Variants in TNR observed in about 807,000 individuals in gnomAD.
TNR encodes tenascin-R.
Under a neutral mutation model 150.4 loss-of-function variants are expected in TNR, and 45 were observed. That is an observed-to-expected ratio of 0.30 (90% CI 0.24 to 0.38). TNR has a LOEUF of 0.38. Among genes scored for constraint, TNR ranks in the 10% least tolerant of loss-of-function variants. The pLI is 1.00. For missense variants in TNR, 1,544 were observed against 1,759.1 expected, an observed-to-expected ratio of 0.88 and a Z score of 2.19; for synonymous variants, 687 against 678.4, an observed-to-expected ratio of 1.01 and a Z score of -0.20.
intron 2 of TNR, among the ~76,000 whole-genome samples, chr1:175,482,223 T>A (rs1657841291): frequency 6.6e-6 from 1 of 152,206 alleles, no homozygotes. Context: ...GTGATCCAAA[T>A]CAGCTTCCAA....
intron 1 of TNR, among the ~76,000 whole-genome samples, chr1:175,629,869 G>C (rs1664268644): frequency 6.6e-6 from 1 of 152,214 alleles, no homozygotes; most frequent in African/African-American, 2.4e-5. Context: ...TAAATGAATG[G>C]AGATATGGAC....
intron 1 of TNR, among the ~76,000 whole-genome samples, chr1:175,644,627 T>C (rs372471917): frequency 1.3e-5 from 2 of 152,228 alleles, no homozygotes; most frequent in Non-Finnish European, 1.5e-5. Context: ...GCACTGAGGA[T>C]CTGTGTCTTC....
intron 1 of TNR, among the ~76,000 whole-genome samples, chr1:175,718,032 C>T (rs553239955): frequency 6.6e-6 from 1 of 152,306 alleles, no homozygotes; most frequent in South Asian, 2.1e-4. Context: ...CACGTAAGTA[C>T]CAAAGATGCC....
intron 4 of TNR, 47 bp downstream of exon 4, chr1:175,403,093 T>A (rs572853102): frequency 6.5e-7 from 1 of 1,529,332 alleles, no homozygotes; most frequent in South Asian, 1.2e-5. Flanking sequence ...TCCAGCTAGT[T>A]TGCTGGACCA....
At chr1:175,591,273 T>C (rs59686392) in intron 1 of TNR, among the ~76,000 whole-genome samples, 25,432 of 152,114 alleles carry the variant, frequency 0.17, 3,294 homozygotes, top group African/African-American at 0.36. Flanking sequence ...TCTGTGTCCC[T>C]GGGACATAAT....
At position 175,317,342 on chromosome 1, in the gene TNR, A is replaced by G. The variant is rs1648874653; in HGVS notation, c.*6015T>C. 1 of 152,218 alleles carries G rather than the reference A, an allele frequency of 6.6e-6. No individual in the cohort carries two copies. Among genetic ancestry groups the G allele is most frequent in the Non-Finnish European group, 1.5e-5 (1 of 68,046 alleles). 9.4% of individuals were successfully genotyped at this position (152,218 alleles called of 1,614,324 possible). On this transcript the variant is annotated 3_prime_UTR_variant, in exon 23 of 23. Transcript: ENST00000367674. ...CTTGCCCTTGGTTTCCTTGAGAGGA[A>G]ATAAAATGAGAGGATTATATTAGAT... is the stretch of plus-strand genomic sequence containing the variant.
intron 2 of TNR, among the ~76,000 whole-genome samples, chr1:175,505,413 G>GT (rs1290475044): frequency 6.6e-6 from 1 of 152,238 alleles, no homozygotes; most frequent in African/African-American, 2.4e-5. Context: ...CTAAGCATGC[G>GT]TTCTCAGCCC....
At chr1:175,540,639 C>A (rs531016582) in intron 1 of TNR, among the ~76,000 whole-genome samples, 1 of 152,192 alleles carries the variant, frequency 6.6e-6, no homozygotes, top group East Asian at 1.9e-4. Flanking sequence ...TTGACTTTGG[C>A]ACTTTTTTTC....
At chr1:175,507,242 G>A (rs1658993698) in intron 2 of TNR, among the ~76,000 whole-genome samples, 1 of 152,150 alleles carries the variant, frequency 6.6e-6, no homozygotes. Context: ...GAGTTGCTAT[G>A]ATGCACCCTC....
chr1:175,538,662 C>G (rs1202430260), intron 1 of TNR: 3 of 152,184 alleles, frequency 2.0e-5, no homozygotes, highest in African/African-American at 7.2e-5. Flanking sequence ...GGACTTCCAC[C>G]TCTGGCCTCC....
At chr1:175,667,270 C>A (rs1665557270) in intron 1 of TNR, among the ~76,000 whole-genome samples, 1 of 152,176 alleles carries the variant, frequency 6.6e-6, no homozygotes, top group Admixed American at 6.5e-5. Flanking sequence ...TGTGGCAGTT[C>A]ATTGTGGATA....
At chr1:175,334,529 A>G (rs911554947) in intron 20 of TNR, among the ~76,000 whole-genome samples, 1 of 152,240 alleles carries the variant, frequency 6.6e-6, no homozygotes, top group African/African-American at 2.4e-5. Context: ...TAACAGCACT[A>G]TTGCAGATTG....
intron 1 of TNR, among the ~76,000 whole-genome samples, chr1:175,559,384 G>T (rs913554765): frequency 3.9e-5 from 6 of 152,106 alleles, no homozygotes; most frequent in African/African-American, 1.2e-4. Flanking sequence ...ATGATAAACA[G>T]AGTGAAATAA....
chr1:175,443,931 G>C (rs1350175827), intron 2 of TNR, among the ~76,000 whole-genome samples: 1 of 152,148 alleles, frequency 6.6e-6, no homozygotes, highest in African/African-American at 2.4e-5. Flanking sequence ...ATCTGCAGAG[G>C]AATCTAATCA....
At chr1:175,681,670 G>T (rs148485597) in intron 1 of TNR, among the ~76,000 whole-genome samples, 16 of 152,128 alleles carry the variant, frequency 1.1e-4, no homozygotes, top group Admixed American at 6.5e-5. Flanking sequence ...CTGTAACCAC[G>T]TCTCCACCTG....
At chr1:175,345,113 CAAACAAAACA>C (rs749052024) in intron 18 of TNR, among the ~76,000 whole-genome samples, 48 of 151,930 alleles carry the variant, frequency 3.2e-4, no homozygotes, top group Non-Finnish European at 6.3e-4. Context: ...GTCAAAAAAA[CAAACAAAACA>C]AAACAAAACA....
At chr1:175,458,138 G>A (rs888431371) in intron 2 of TNR, among the ~76,000 whole-genome samples, 3 of 152,222 alleles carry the variant, frequency 2.0e-5, no homozygotes, top group African/African-American at 4.8e-5. Flanking sequence ...TAAATGCTAG[G>A]TATTGTAGCA....
intron 2 of TNR, among the ~76,000 whole-genome samples, chr1:175,450,304 C>T (rs1571456951): frequency 6.6e-6 from 1 of 152,328 alleles, no homozygotes; most frequent in Non-Finnish European, 1.5e-5. Flanking sequence ...GTTCCTCTCC[C>T]CTCAGAACCT....
At chr1:175,672,535 T>A (rs763844589) in intron 1 of TNR, among the ~76,000 whole-genome samples, 4 of 152,230 alleles carry the variant, frequency 2.6e-5, no homozygotes, top group Non-Finnish European at 5.9e-5. Context: ...ATCCATTGAC[T>A]GACAAGCCTT....
Sources: allele counts gnomAD v4.1 joint callset (sites outside exome capture counted in the v4.1 genomes callset), GRCh38; gene constraint gnomAD v4.1.1; transcripts MANE v1.5; gene names NCBI Gene and HGNC (gene_info 2026-07-23, HGNC 2026-07-21).